Variants in YLPM1 observed in about 807,000 individuals in gnomAD.
YLPM1 encodes the protein YLP motif containing 1, also known as YLP motif-containing protein 1.
YLPM1 carries 99 observed loss-of-function variants against 230.0 expected under a neutral mutation model. That is an observed-to-expected ratio of 0.43 (90% confidence interval 0.37 to 0.51). YLPM1 has a LOEUF of 0.51. Ranked by LOEUF, YLPM1 falls within the 20% of genes least tolerant of loss-of-function variation. The pLI is 0.00. For missense variants in YLPM1, 2,592 were observed against 2,707.7 expected (o/e 0.96, Z 0.95); for synonymous variants, 984 against 942.5 (o/e 1.04, Z -0.81).
At position 74,811,670 on chromosome 14, in the gene YLPM1, G is replaced by A. The variant is rs1415307741; in HGVS notation, c.5279G>A (p.Gly1760Asp). The change falls in exon 10 of 21, where the codon GGT becomes GAT. Residue 1760 changes from glycine to aspartate, a missense_variant. By Grantham distance (94) the Gly-to-Asp change is moderately conservative. This residue lies in a region of YLPM1 where 403 missense variants were observed against 426.7 expected (regional missense o/e 0.94). Coordinates refer to ENST00000325680, the MANE Select transcript of YLPM1 (RefSeq NM_019589.3). ...KKDHSSSRRG[G>D]FDRPSYDRKS... ...GACCATTCCTCATCCAGAAGAGGGG[G>A]TTTTGATAGGCCATCCTATGACCGG... The A allele has an allele frequency of 1.2e-6, 2 of 1,612,760 alleles. No individual in the cohort carries two copies. The highest frequency in any genetic ancestry group is 1.3e-5 in the African/African-American group (1 of 74,822).
At chr14:74,804,157 A>G (rs1269824875) in intron 6 of YLPM1, among the ~76,000 whole-genome samples, 3 of 152,166 alleles carry the variant, frequency 2.0e-5, no homozygotes, top group Non-Finnish European at 4.4e-5. Flanking sequence ...CTCCATCTCA[A>G]AATCAAAACA....
intron 19 of YLPM1, 105 bp downstream of exon 19, chr14:74,829,448 A>G: frequency 6.7e-7 from 1 of 1,490,170 alleles, no homozygotes; most frequent in Middle Eastern, 1.8e-4. Context: ...TTTTAGAATG[A>G]TTTAGTTTAC....
chr14:74,806,086 G>T (rs1332664014), intron 6 of YLPM1, among the ~76,000 whole-genome samples: 4 of 151,336 alleles, frequency 2.6e-5, no homozygotes, highest in African/African-American at 9.7e-5. Context: ...GCCGGGTGTG[G>T]TGGCTCATGC....
intron 16 of YLPM1, among the ~76,000 whole-genome samples, chr14:74,819,273 CTTTT>C (rs199554037): frequency 8.3e-6 from 1 of 119,774 alleles, no homozygotes. Context: ...TGTCATTGTG[CTTTT>C]TTTTTTTTTT....
At chr14:74,820,532 G>A (rs1316270356) in intron 16 of YLPM1, among the ~76,000 whole-genome samples, 1 of 152,152 alleles carries the variant, frequency 6.6e-6, no homozygotes, top group African/African-American at 2.4e-5. Context: ...ATAGGCGTGA[G>A]CCACTGTGCC....
intron 1 of YLPM1, among the ~76,000 whole-genome samples, chr14:74,766,345 A>C (rs1279053263): frequency 6.6e-6 from 1 of 152,226 alleles, no homozygotes; most frequent in Non-Finnish European, 1.5e-5. Flanking sequence ...TGTGTCATTC[A>C]AAATTTCTTA....
chr14:74,835,219 A>C (rs765609251), intron 19 of YLPM1, 46 bp from the exon 20 acceptor site: 3 of 1,604,592 alleles, frequency 1.9e-6, no homozygotes, highest in Non-Finnish European at 8.5e-7. Context: ...GGCTCTTTGC[A>C]TATTTATTTT....
At chr14:74,810,071 G>A in intron 8 of YLPM1, 69 bp downstream of exon 8, 1 of 1,494,536 alleles carries the variant, frequency 6.7e-7, no homozygotes, top group Admixed American at 2.3e-5. Context: ...TTTTCCTTTT[G>A]GTGAGATTAT....
intron 1 of YLPM1, among the ~76,000 whole-genome samples, chr14:74,770,802 T>G (rs1403148780): frequency 6.6e-6 from 1 of 152,080 alleles, no homozygotes; most frequent in Non-Finnish European, 1.5e-5. Context: ...TTTACATAGG[T>G]GAATGTGACA....
At chr14:74,834,858 A>G (rs2091632498) in intron 19 of YLPM1, 1 of 158,806 alleles carries the variant, frequency 6.3e-6, no homozygotes. Flanking sequence ...GAGTTAAAGC[A>G]AATGAATCAC....
At chr14:74,783,064 G>T (rs2140091394) in intron 4 of YLPM1, among the ~76,000 whole-genome samples, 1 of 151,928 alleles carries the variant, frequency 6.6e-6, no homozygotes, top group East Asian at 1.9e-4. Flanking sequence ...CTTTTCTATG[G>T]AAATTATTAT....
chr14:74,829,296 C>G lies in YLPM1; in HGVS notation c.6247C>G (p.Leu2083Val). The G allele has an allele frequency of 6.2e-7, 1 of 1,613,286 alleles. No individual in the cohort carries two copies. The highest frequency in any genetic ancestry group is 8.5e-7 in the Non-Finnish European group (1 of 1,179,394). Reference sequence around the variant, plus strand: ...CAGCAGAATGGAGGATTATCTTCAGCTCCCCGATGATTATGATACTCGTGC... The same window carrying G: ...CAGCAGAATGGAGGATTATCTTCAGGTCCCCGATGATTATGATACTCGTGC... ...IASRMEDYLQLPDDYDTRASE... is the reference protein window; with the variant it reads ...IASRMEDYLQVPDDYDTRASE... The change falls in exon 19 of 21, where the codon CTC (leucine) becomes GTC (valine). Residue 2083 changes from leucine to valine, a missense_variant. Leu to Val is a conservative substitution (Grantham distance 32). This residue lies in a region of YLPM1 where 315 missense variants were observed against 429.3 expected (regional missense o/e 0.73). Transcript: ENST00000325680.
chr14:74,802,790 AT>A, intron 6 of YLPM1, 114 bp downstream of exon 6: 1 of 1,342,454 alleles, frequency 7.4e-7, no homozygotes, highest in Non-Finnish European at 9.9e-7. Context: ...TAAAATGTAA[AT>A]TTTGGAAACT....
In YLPM1 at chr14:74,764,455, A is replaced by G. The variant is rs530737792; in HGVS notation, c.873+93A>G. ...TTAACCAGTGGTTAGTCTAATTCCA[A>G]CACACAATGACTAGCTAACACTCCA... is the stretch of plus-strand genomic sequence containing the variant. On this transcript the variant is annotated intron_variant, in intron 1 of 20. Transcript: ENST00000325680. 4 of 1,394,624 alleles carry G rather than the reference A, an allele frequency of 2.9e-6. No homozygotes were observed. In the South Asian group the frequency reaches 4.6e-5, roughly 16 times the overall value. 86.4% of individuals were successfully genotyped at this position (1,394,624 alleles called of 1,614,324 possible).
At chr14:74,768,669 G>C (rs2090939319) in intron 1 of YLPM1, among the ~76,000 whole-genome samples, 1 of 152,160 alleles carries the variant, frequency 6.6e-6, no homozygotes. Context: ...AATACTTACG[G>C]ACTAGCAACT....
chr14:74,781,639 A>G lies in YLPM1; in HGVS notation c.1596A>G (p.Thr532=). Residue 532 remains threonine (T), a synonymous_variant, in exon 4 of 21, where the codon ACA becomes ACG. Coordinates refer to ENST00000325680, the MANE Select transcript of YLPM1 (RefSeq NM_019589.3). Reference sequence around the variant, plus strand: ...CTCAGATGCCTCCACCTCTACCTACAATGCCCCCTCCAGTGTTGCCTCCTT... The same window carrying G: ...CTCAGATGCCTCCACCTCTACCTACGATGCCCCCTCCAGTGTTGCCTCCTT... ...PYSQMPPPLP[T]MPPPVLPPSL... 6.2e-7 allele frequency: 1 copy of G among 1,613,640 alleles called. No individual in the cohort carries two copies. The highest frequency in any genetic ancestry group is 1.1e-5 in the South Asian group (1 of 91,076).
At position 74,809,689 on chromosome 14, in the gene YLPM1, C is replaced by T. The variant is rs1462732709; in HGVS notation, c.4831C>T (p.Pro1611Ser). Residue 1611 changes from proline to serine, a missense_variant, in exon 7 of 21, where the codon CCA becomes TCA. This residue lies in a region of YLPM1 where 403 missense variants were observed against 426.7 expected (regional missense o/e 0.94). Transcript: ENST00000325680. ...AIPSAPVLPPPPVHSSIPPPG... is the reference protein window; with the variant it reads ...AIPSAPVLPPSPVHSSIPPPG... ...TCCATCTGCTCCAGTATTACCACCC[C>T]CACCTGTTCACTCTTCCATTCCCCC... is the stretch of plus-strand genomic sequence containing the variant. 10 of 1,614,028 alleles carry T rather than the reference C, an allele frequency of 6.2e-6. No individual in the cohort carries two copies. The highest frequency in any genetic ancestry group is 8.5e-6 in the Non-Finnish European group (10 of 1,179,892).
At chr14:74,826,432 A>G (rs1168927666) in intron 18 of YLPM1, among the ~76,000 whole-genome samples, 1 of 152,076 alleles carries the variant, frequency 6.6e-6, no homozygotes, top group Non-Finnish European at 1.5e-5. Context: ...TTCTCCAATT[A>G]CTCTTGGAAA....
In YLPM1 at chr14:74,798,029, A is replaced by T. The variant is rs374146882; in HGVS notation, c.2732A>T (p.Lys911Ile). 6.2e-7 allele frequency: 1 copy of T among 1,613,738 alleles called. No homozygotes were observed. The highest frequency in any genetic ancestry group is 1.3e-5 in the African/African-American group (1 of 74,904). The change falls in exon 5 of 21, where the codon AAA (lysine) becomes ATA (isoleucine). Residue 911 changes from lysine (K) to isoleucine (I), a missense_variant. Around this residue, in one of 4 missense-constraint regions of YLPM1, gnomAD observed 1,862 missense variants for 1,819.8 expected, o/e 1.02. Transcript: ENST00000325680. ...NLSDSQQEPP[K>I]SEVSEGPVEP... Reference sequence around the variant, plus strand: ...AGCGACTCTCAACAAGAGCCACCTAAAAGTGAAGTCTCGGAAGGGCCCGTA... The same window carrying T: ...AGCGACTCTCAACAAGAGCCACCTATAAGTGAAGTCTCGGAAGGGCCCGTA...
Sources: gnomAD v4.1 joint callset for allele counts (sites outside exome capture counted in the v4.1 genomes callset) on GRCh38, gnomAD v4.1.1 for gene constraint, gnomAD v4.1.1 regional missense constraint, MANE v1.5 for transcripts, NCBI Gene and HGNC (gene_info 2026-07-23, HGNC 2026-07-21) for gene names.